NBAS: variants seen among roughly 807,000 people sequenced by gnomAD.
NBAS encodes NBAS subunit of NRZ tethering complex, also known as NAG/BC035112 fusion.
In NBAS, 219 loss-of-function variants were observed where a neutral mutation model predicts 302.5. That is an observed-to-expected ratio of 0.72 (90% confidence interval 0.65 to 0.81). The LOEUF (loss-of-function observed/expected upper bound fraction) is 0.81, where lower values mean the gene tolerates loss of function less well. Ranked by LOEUF, NBAS falls within the 30% of genes least tolerant of loss-of-function variation. The pLI, the probability that NBAS is intolerant of heterozygous loss-of-function variation, is 0.00. For missense variants in NBAS, 2,932 were observed against 2,841.6 expected, an observed-to-expected ratio of 1.03 and a Z score of -0.72; for synonymous variants, 1,118 against 1,021.6, an observed-to-expected ratio of 1.09 and a Z score of -1.80.
chr2:15,195,278 T>A (rs1312690144), intron 48 of NBAS, among the ~76,000 whole-genome samples: 1 of 152,180 alleles, frequency 6.6e-6, no homozygotes, highest in Admixed American at 6.5e-5. Flanking sequence ...AGCTAGGGCC[T>A]GCGTTAGTTT....
intron 47 of NBAS, among the ~76,000 whole-genome samples, chr2:15,228,278 C>G (rs1667227869): frequency 6.6e-6 from 1 of 152,126 alleles, no homozygotes; most frequent in Non-Finnish European, 1.5e-5. Flanking sequence ...CACTAATCAT[C>G]AGGGAAATGC....
intron 24 of NBAS, 91 bp from the exon 25 acceptor site, chr2:15,415,810 G>A: frequency 1.5e-6 from 2 of 1,349,568 alleles, no homozygotes; most frequent in Admixed American, 1.7e-5. Flanking sequence ...AAGCTTACAG[G>A]TCCTCAGACT....
the NBAS span, among the ~76,000 whole-genome samples, chr2:14,857,436 T>G: frequency 6.6e-6 from 1 of 152,094 alleles, no homozygotes. Flanking sequence ...ACTACAGAGC[T>G]ATGGTAACCA....
the NBAS span, among the ~76,000 whole-genome samples, chr2:15,042,732 C>A: frequency 6.6e-6 from 1 of 152,220 alleles, no homozygotes; most frequent in Non-Finnish European, 1.5e-5. Context: ...AGAGCCCTGG[C>A]TGCCTGCCTA....
intron 51 of NBAS, among the ~76,000 whole-genome samples, chr2:15,176,458 GACACAC>G (rs71400639): frequency 2.0e-5 from 3 of 149,320 alleles, no homozygotes; most frequent in East Asian, 2.0e-4. Context: ...GTCACATGGA[GACACAC>G]ACACACACAC....
chr2:15,449,118 A>C (rs1678888692), intron 21 of NBAS, among the ~76,000 whole-genome samples: 1 of 152,216 alleles, frequency 6.6e-6, no homozygotes, highest in Non-Finnish European at 1.5e-5. Context: ...GTTTAAAAAA[A>C]AGGATCTCTC....
the NBAS span, among the ~76,000 whole-genome samples, chr2:14,937,924 C>G: frequency 2.0e-5 from 3 of 151,950 alleles, no homozygotes; most frequent in Non-Finnish European, 4.4e-5. Flanking sequence ...AAGTCAGGAG[C>G]TCAAGACCAG....
the NBAS span, among the ~76,000 whole-genome samples, chr2:15,101,974 C>T: frequency 6.6e-6 from 1 of 152,206 alleles, no homozygotes; most frequent in African/African-American, 2.4e-5. Context: ...ATTTCTCATG[C>T]TCTTACAAGG....
At chr2:15,518,136 A>G (rs1225512936) in intron 9 of NBAS, among the ~76,000 whole-genome samples, 1 of 152,084 alleles carries the variant, frequency 6.6e-6, no homozygotes, top group East Asian at 1.9e-4. Context: ...GGGGAAAAAA[A>G]AAAAAAAAAA....
chr2:15,505,017 C>A (rs1661774147), intron 10 of NBAS, among the ~76,000 whole-genome samples: 1 of 151,980 alleles, frequency 6.6e-6, no homozygotes, highest in Non-Finnish European at 1.5e-5. Flanking sequence ...AAATCAAGAA[C>A]AAGAAAGGGA....
chr2:15,496,138 T>C (rs779985384), intron 11 of NBAS, among the ~76,000 whole-genome samples: 4 of 150,736 alleles, frequency 2.7e-5, no homozygotes, highest in Non-Finnish European at 4.4e-5. Flanking sequence ...AATGGGCTAT[T>C]ATTCAGCAAT....
the NBAS span, among the ~76,000 whole-genome samples, chr2:14,971,283 G>C: frequency 2.0e-5 from 3 of 152,124 alleles, no homozygotes; most frequent in Admixed American, 2.0e-4. Context: ...TTGGGAGGCT[G>C]AGGCGGGTGG....
At chr2:15,523,319 A>G (rs973263069) in intron 9 of NBAS, among the ~76,000 whole-genome samples, 1 of 152,222 alleles carries the variant, frequency 6.6e-6, no homozygotes, top group African/African-American at 2.4e-5. Flanking sequence ...TCAACCACAG[A>G]TGAAAAATAT....
chr2:15,482,659 A>G (rs1680476260), intron 12 of NBAS, among the ~76,000 whole-genome samples: 1 of 150,230 alleles, frequency 6.7e-6, no homozygotes. Context: ...ACAAAAGGCA[A>G]GCAAAGAAAG....
intron 31 of NBAS, among the ~76,000 whole-genome samples, chr2:15,369,136 C>T (rs1222013666): frequency 6.6e-6 from 1 of 152,058 alleles, no homozygotes; most frequent in Admixed American, 6.5e-5. Context: ...ATTTTCAAAA[C>T]AAAATTTGTT....
the NBAS span, among the ~76,000 whole-genome samples, chr2:14,889,412 T>C: frequency 6.6e-6 from 1 of 152,222 alleles, no homozygotes; most frequent in Non-Finnish European, 1.5e-5. Flanking sequence ...TCCACACTTC[T>C]GTGAGCACAA....
At chr2:15,500,409 A>G (rs1377200993) in intron 11 of NBAS, among the ~76,000 whole-genome samples, 1 of 151,818 alleles carries the variant, frequency 6.6e-6, no homozygotes, top group Non-Finnish European at 1.5e-5. Flanking sequence ...GCATTGTTTT[A>G]CACTGTAGGA....
At chr2:15,523,804 C>T (rs1015865383) in intron 9 of NBAS, among the ~76,000 whole-genome samples, 5 of 152,238 alleles carry the variant, frequency 3.3e-5, no homozygotes, top group African/African-American at 1.2e-4. Context: ...ATCCCAGCAA[C>T]TCGAGAAGCT....
chr2:15,240,011 T>TGAA (rs1667788667), intron 44 of NBAS, among the ~76,000 whole-genome samples: 1 of 152,194 alleles, frequency 6.6e-6, no homozygotes, highest in African/African-American at 2.4e-5. Context: ...TAGCGCCTTC[T>TGAA]CAGGCCTCAC....
Sources: allele counts gnomAD v4.1 joint callset (sites outside exome capture counted in the v4.1 genomes callset), GRCh38; gene constraint gnomAD v4.1.1; transcripts MANE v1.5; gene names NCBI Gene and HGNC (gene_info 2026-07-23, HGNC 2026-07-21).